ARHGEF3: variants seen among roughly 807,000 people sequenced by gnomAD.
The protein encoded by ARHGEF3 is Rho guanine nucleotide exchange factor 3.
A neutral mutation model predicts 63.2 loss-of-function variants in ARHGEF3; 28 were observed. The observed-to-expected ratio is 0.44, with a 90% CI of 0.33 to 0.61. ARHGEF3 has a LOEUF of 0.61. Ranked by LOEUF, ARHGEF3 falls within the 20% of genes least tolerant of loss-of-function variation. The probability of loss-of-function intolerance (pLI) is 0.03; values close to 1 mark genes in which losing one functional copy is unlikely to be tolerated. For synonymous variants in ARHGEF3, 266 were observed against 254.2 expected (o/e 1.05, Z -0.44); for missense variants, 533 against 659.3 (o/e 0.81, Z 2.10).
intron 1 of ARHGEF3, among the ~76,000 whole-genome samples, chr3:57,067,713 G>A (rs1363299992): frequency 6.6e-6 from 1 of 150,998 alleles, no homozygotes; most frequent in Non-Finnish European, 1.5e-5. Context: ...CAGGCACGGT[G>A]GCTCATGCCT....
chr3:56,916,572 C>T lies in ARHGEF3; in HGVS notation c.130-34218G>A, dbSNP rs1292210455. 27 of 1,155,920 alleles carry T rather than the reference C, an allele frequency of 2.3e-5. No individual in the cohort carries two copies. The South Asian group carries it at 5.7e-4, about 24-fold the overall frequency. The allele number at this position is 1,155,920 out of a possible 1,614,324, so 71.6% of individuals were successfully genotyped here. A position where few individuals can be genotyped will look rare whatever the true frequency, so the allele number is the denominator to read the frequency against. ...TCCTGCTACTGCTGCTTTTGCAGAG[C>T]ACTCTTTGGGCATTCAAAGGTACAC... On this transcript the variant is annotated intron_variant, in intron 3 of 12. Coordinates refer to the ARHGEF3 transcript ENST00000338458.
chr3:56,760,856 T>G (rs764726791), intron 2 of ARHGEF3, among the ~76,000 whole-genome samples: 1 of 152,180 alleles, frequency 6.6e-6, no homozygotes, highest in Admixed American at 6.5e-5. Context: ...ATGGCTGATA[T>G]CTGACCAATC....
chr3:56,753,504 C>CT lies in ARHGEF3; in HGVS notation c.437dup (p.Ala147GlyfsTer4). On this transcript the variant is annotated frameshift_variant and splice_region_variant, in exon 4 of 10. Coordinates refer to ENST00000296315, the MANE Select transcript of ARHGEF3 (RefSeq NM_019555.3). LOFTEE classifies it high-confidence loss of function. ...AAGTGACTGCTGGATTTAAATTTACCTTTTTTGCTAATTTCAAGTCTTCTA... is the reference window on the plus strand; with the variant it reads ...AAGTGACTGCTGGATTTAAATTTACCTTTTTTTGCTAATTTCAAGTCTTCTA... 2 of 1,612,606 alleles carry CT rather than the reference C, an allele frequency of 1.2e-6. No individual in the cohort carries two copies. The highest frequency in any genetic ancestry group is 1.1e-5 in the South Asian group (1 of 90,626).
chr3:57,014,041 G>A (rs905534364), intron 2 of ARHGEF3, among the ~76,000 whole-genome samples: 8 of 152,246 alleles, frequency 5.3e-5, no homozygotes, highest in South Asian at 2.1e-4. Flanking sequence ...AACACTCACC[G>A]CGAAGGTCTG....
chr3:56,766,626 G>A (rs114772421), intron 2 of ARHGEF3, among the ~76,000 whole-genome samples: 696 of 152,328 alleles, frequency 4.6e-3, no homozygotes, highest in African/African-American at 0.016. Flanking sequence ...CACCACCTTG[G>A]CTTGCATGGA....
At chr3:56,767,363 A>C (rs2035759199) in intron 2 of ARHGEF3, among the ~76,000 whole-genome samples, 1 of 151,706 alleles carries the variant, frequency 6.6e-6, no homozygotes, top group Non-Finnish European at 1.5e-5. Context: ...CGGGCAGATC[A>C]TGAGGTCAGG....
chr3:56,869,305 G>A (rs1221220630), intron 4 of ARHGEF3, among the ~76,000 whole-genome samples: 3 of 152,130 alleles, frequency 2.0e-5, no homozygotes, highest in African/African-American at 7.2e-5. Flanking sequence ...CCGTGATTTC[G>A]TTTCAAATGT....
At chr3:56,896,119 G>A (rs1017474524) in intron 3 of ARHGEF3, among the ~76,000 whole-genome samples, 5 of 152,166 alleles carry the variant, frequency 3.3e-5, no homozygotes, top group African/African-American at 1.2e-4. Flanking sequence ...CTTGGGGAGG[G>A]CAGAGTGTGC....
At chr3:56,991,314 T>G (rs906010119) in intron 2 of ARHGEF3, among the ~76,000 whole-genome samples, 2 of 152,130 alleles carry the variant, frequency 1.3e-5, no homozygotes, top group Non-Finnish European at 2.9e-5. Context: ...AGTTCCTCCT[T>G]TGTGTCAGGT....
chr3:57,012,143 G>C (rs1254843263), intron 2 of ARHGEF3, among the ~76,000 whole-genome samples: 1 of 152,208 alleles, frequency 6.6e-6, no homozygotes, highest in Non-Finnish European at 1.5e-5. Flanking sequence ...CAAAACCCAA[G>C]AGCCACTACC....
chr3:56,728,046 T>C lies in ARHGEF3; in HGVS notation c.*1224A>G, dbSNP rs1578342379. 2.6e-5 allele frequency: 4 copies of C among 152,758 alleles called. 1 individual carries two copies. In the South Asian group the frequency reaches 8.3e-4, roughly 32 times the overall value. 9.5% of individuals were successfully genotyped at this position (152,758 alleles called of 1,614,324 possible). ...TATTTACACTTGCAGGGAGCTCTTC[T>C]AGGTACTTAGCTGTTTTTAAGGTCT... On this transcript the variant is annotated 3_prime_UTR_variant, in exon 10 of 10. Transcript: ENST00000296315.
rs75820174 is a variant in ARHGEF3, at chr3:56,800,167, G to A, written c.96+1536C>T. 7.3e-3 allele frequency among the ~76,000 whole-genome samples: 1,114 copies of A among 152,288 alleles called. 14 individuals are homozygous for A. Among genetic ancestry groups the A allele is most frequent in the African/African-American group, 0.025 (1,022 of 41,552 alleles). On this transcript the variant is annotated intron_variant, in intron 1 of 9. Coordinates refer to ENST00000296315, the MANE Select transcript of ARHGEF3 (RefSeq NM_019555.3). ...AAAACACAGGACTAAGTAATAGTAG[G>A]AAGGGACTGGTTAGAGTCCTCAGCT...
chr3:56,929,060 G>A (rs1033196996), intron 3 of ARHGEF3, among the ~76,000 whole-genome samples: 1 of 152,142 alleles, frequency 6.6e-6, no homozygotes, highest in African/African-American at 2.4e-5. Context: ...GTGAGAAAAG[G>A]GGCATCCTCT....
chr3:56,930,740 A>AT (rs1281131996), intron 3 of ARHGEF3, among the ~76,000 whole-genome samples: 1 of 152,178 alleles, frequency 6.6e-6, no homozygotes, highest in Non-Finnish European at 1.5e-5. Context: ...CCTAAAATAT[A>AT]TTTTTTAAAT....
At chr3:57,048,645 G>A (rs755320620) in intron 1 of ARHGEF3, among the ~76,000 whole-genome samples, 9 of 152,134 alleles carry the variant, frequency 5.9e-5, no homozygotes, top group African/African-American at 9.7e-5. Flanking sequence ...CCTCCTTAAG[G>A]CTGGCTGGGA....
At chr3:56,777,283 G>A (rs560741218) in intron 1 of ARHGEF3, among the ~76,000 whole-genome samples, 66 of 145,904 alleles carry the variant, frequency 4.5e-4, no homozygotes, top group African/African-American at 1.6e-3. Context: ...AGAGGACAAG[G>A]AAAGAAAAAA....
intron 4 of ARHGEF3, among the ~76,000 whole-genome samples, chr3:56,841,088 G>A (rs1471019495): frequency 6.6e-6 from 1 of 152,158 alleles, no homozygotes; most frequent in Non-Finnish European, 1.5e-5. Context: ...GCCCCCAGTA[G>A]ATAAATACTC....
intron 3 of ARHGEF3, among the ~76,000 whole-genome samples, chr3:56,927,293 TATAAG>T (rs2042299065): frequency 6.6e-6 from 1 of 152,182 alleles, no homozygotes; most frequent in South Asian, 2.1e-4. Flanking sequence ...TCCTAGAGAC[TATAAG>T]ATAAACAAGT....
intron 2 of ARHGEF3, among the ~76,000 whole-genome samples, chr3:56,756,545 CTTTTTTTTTTTT>C (rs35251607): frequency 8.0e-5 from 8 of 100,074 alleles, no homozygotes; most frequent in African/African-American, 3.1e-4. Flanking sequence ...TCATAGCTGG[CTTTTTTTTTTTT>C]TTTTTTTTTT....
Sources: allele counts gnomAD v4.1 joint callset (sites outside exome capture counted in the v4.1 genomes callset), GRCh38; gene constraint gnomAD v4.1.1; transcripts MANE v1.5; gene names NCBI Gene and HGNC (gene_info 2026-07-23, HGNC 2026-07-21).